Variants in ERLIN1 observed in about 807,000 individuals in gnomAD.
The protein encoded by ERLIN1 is erlin-1.
In ERLIN1, 24 loss-of-function variants were observed where a neutral mutation model predicts 46.9. The observed-to-expected ratio is 0.51, with a 90% CI of 0.37 to 0.72. The LOEUF (loss-of-function observed/expected upper bound fraction) is 0.72, where lower values mean the gene tolerates loss of function less well. Among genes scored for constraint, ERLIN1 ranks in the 30% least tolerant of loss-of-function variants. ERLIN1 has a pLI of 0.00. For synonymous variants in ERLIN1, 158 were observed against 143.2 expected (o/e 1.10, Z -0.74); for missense variants, 293 against 417.9 (o/e 0.70, Z 2.61).
chr10:100,183,648 T>C, intron 2 of ERLIN1, 108 bp downstream of exon 2: 1 of 669,796 alleles, frequency 1.5e-6, no homozygotes, highest in Non-Finnish European at 2.6e-6. Flanking sequence ...TTTAAGTAAA[T>C]ACCACCATCT....
At chr10:100,171,884 T>G (rs1457426804) in intron 6 of ERLIN1, among the ~76,000 whole-genome samples, 13 of 152,220 alleles carry the variant, frequency 8.5e-5, no homozygotes. Flanking sequence ...AGGGAAAGCT[T>G]GCATCTGCTA....
At chr10:100,161,053 G>A (rs1843342076) in intron 8 of ERLIN1, among the ~76,000 whole-genome samples, 1 of 152,082 alleles carries the variant, frequency 6.6e-6, no homozygotes, top group African/African-American at 2.4e-5. Context: ...AATGTCACTG[G>A]GACTATTTAA....
At chr10:100,158,600 C>T (rs1447284009) in intron 8 of ERLIN1, among the ~76,000 whole-genome samples, 1 of 151,352 alleles carries the variant, frequency 6.6e-6, no homozygotes, top group African/African-American at 2.4e-5. Context: ...TTACTCAACA[C>T]ATGTCAATCA....
intron 4 of ERLIN1, 96 bp from the exon 5 acceptor site, chr10:100,176,166 A>T: frequency 4.6e-6 from 5 of 1,078,898 alleles, no homozygotes; most frequent in Non-Finnish European, 6.3e-6. Context: ...TATATTACAC[A>T]TGAGGAAAAG....
At chr10:100,155,043 TTTAAAAACCTATTAGCAG>T in intron 9 of ERLIN1, 104 bp from the exon 10 acceptor site, 1 of 957,810 alleles carries the variant, frequency 1.0e-6, no homozygotes, top group Non-Finnish European at 1.6e-6. Flanking sequence ...CATTGAAAGT[TTTAAAAACCTATTAGCAG>T]TTTTCAAGTC....
chr10:100,167,823 C>CA (rs1206588028), intron 6 of ERLIN1, among the ~76,000 whole-genome samples: 2 of 152,136 alleles, frequency 1.3e-5, no homozygotes, highest in Admixed American at 1.3e-4. Context: ...CAAAAACAAA[C>CA]AAAAAAACCC....
chr10:100,185,721 G>A lies in ERLIN1; in HGVS notation c.-95C>T, dbSNP rs925639741. On this transcript the variant is annotated 5_prime_UTR_variant, in exon 1 of 11. Transcript: ENST00000421367. ...TTCTACCCTCTCCCTCCGGAAACTT[G>A]GCGCTCTCTCGCAGGCTGAGCCGGG... 7.9e-6 allele frequency: 8 copies of A among 1,014,834 alleles called. No individual in the cohort carries two copies. The African/African-American group carries it at 9.5e-5, about 12-fold the overall frequency. 62.9% of individuals were successfully genotyped at this position (1,014,834 alleles called of 1,614,324 possible).
chr10:100,154,778 C>T, intron 10 of ERLIN1, 82 bp downstream of exon 10: 1 of 1,074,498 alleles, frequency 9.3e-7, no homozygotes, highest in South Asian at 1.4e-5. Flanking sequence ...GATAAAATCA[C>T]TTCTATCATA....
intron 4 of ERLIN1, 91 bp from the exon 5 acceptor site, chr10:100,176,161 T>C: frequency 8.9e-7 from 1 of 1,120,276 alleles, no homozygotes; most frequent in Non-Finnish European, 1.2e-6. Context: ...GGTGATATAT[T>C]ACACATGAGG....
rs967250417 is a variant in ERLIN1, at chr10:100,150,259, G to C, written c.*1872C>G. On this transcript the variant is annotated 3_prime_UTR_variant, in exon 11 of 11. Transcript: ENST00000421367. ...AGGGAGGCACACTCCTCACACATGG[G>C]AGTTTAAGCAGAAGTGCTTTAAGAC... 9 of 149,278 alleles carry C rather than the reference G, an allele frequency of 6.0e-5. No homozygotes were observed. The highest frequency in any genetic ancestry group is 1.5e-5 in the Non-Finnish European group (1 of 67,310). 9.2% of individuals were successfully genotyped at this position (149,278 alleles called of 1,614,324 possible).
intron 6 of ERLIN1, among the ~76,000 whole-genome samples, chr10:100,168,203 C>CA (rs1274880775): frequency 6.6e-6 from 1 of 152,160 alleles, no homozygotes; most frequent in Non-Finnish European, 1.5e-5. Context: ...CAAACACACA[C>CA]AAAAAACACT....
chr10:100,170,915 T>C (rs972292724), intron 6 of ERLIN1, among the ~76,000 whole-genome samples: 2 of 152,312 alleles, frequency 1.3e-5, no homozygotes, highest in African/African-American at 4.8e-5. Context: ...TGGAATGCAG[T>C]ATGTAACATA....
At chr10:100,159,112 A>G (rs1220644565) in intron 8 of ERLIN1, among the ~76,000 whole-genome samples, 4 of 152,232 alleles carry the variant, frequency 2.6e-5, no homozygotes, top group African/African-American at 9.6e-5. Flanking sequence ...AGGTACACCA[A>G]GAAAATAACT....
At chr10:100,163,615 T>C (rs547349297) in intron 8 of ERLIN1, among the ~76,000 whole-genome samples, 1 of 152,308 alleles carries the variant, frequency 6.6e-6, no homozygotes, top group African/African-American at 2.4e-5. Flanking sequence ...CGGCACTACC[T>C]ATCCAGGTAA....
chr10:100,152,157 T>C lies in ERLIN1; in HGVS notation c.1021A>G (p.Ile341Val), dbSNP rs1410407003. 1 of 1,612,712 alleles carries C rather than the reference T, an allele frequency of 6.2e-7. No individual in the cohort carries two copies. Among genetic ancestry groups the C allele is most frequent in the Admixed American group, 1.7e-5 (1 of 60,014 alleles). The change falls in exon 11 of 11, where the codon ATC (isoleucine) becomes GTC (valine). Residue 341 changes from isoleucine (I) to valine (V), a missense_variant. By Grantham distance (29) the Ile-to-Val change is conservative. Around this residue, in one of 3 missense-constraint regions of ERLIN1, gnomAD observed 69 missense variants for 74.5 expected, o/e 0.93. Coordinates refer to ENST00000421367, the MANE Select transcript of ERLIN1 (RefSeq NM_006459.4). ...CAACCTGTGCTCTCTTTGTTTTGGA[T>C]GACGTTCTCTCCAGAGGGTTCAAGA... ...EALEPSGENV[I>V]QNKESTG is the part of the protein sequence containing the mutation.
intron 8 of ERLIN1, among the ~76,000 whole-genome samples, chr10:100,162,197 TC>T (rs1341436008): frequency 6.6e-6 from 1 of 151,780 alleles, no homozygotes; most frequent in Non-Finnish European, 1.5e-5. Context: ...ACAAATCAAC[TC>T]AAAAAAGCAA....
Position 100,151,630 on chromosome 10 carries a change from G to A in ERLIN1, c.*501C>T, listed in dbSNP as rs539105750. 7.1e-4 allele frequency: 132 copies of A among 184,652 alleles called. No homozygotes were observed. The highest frequency in any genetic ancestry group is 2.9e-3 in the African/African-American group (121 of 42,304). 11.4% of individuals were successfully genotyped at this position (184,652 alleles called of 1,614,324 possible). A position where few individuals can be genotyped will look rare whatever the true frequency, so the allele number is the denominator to read the frequency against. On this transcript the variant is annotated 3_prime_UTR_variant, in exon 11 of 11. Coordinates refer to ENST00000421367, the MANE Select transcript of ERLIN1 (RefSeq NM_006459.4). ...AGATCATTTCCTGGGGAACTTCAGC[G>A]GCCTGGATCTTAATCACATGGATGA...
At chr10:100,174,808 GAC>G (rs1311700729) in intron 5 of ERLIN1, among the ~76,000 whole-genome samples, 1 of 152,156 alleles carries the variant, frequency 6.6e-6, no homozygotes, top group African/African-American at 2.4e-5. Context: ...GAGAGAGAGA[GAC>G]AGAGAGAGAA....
At chr10:100,169,836 G>A (rs530182453) in intron 6 of ERLIN1, among the ~76,000 whole-genome samples, 17 of 152,000 alleles carry the variant, frequency 1.1e-4, no homozygotes, top group African/African-American at 3.6e-4. Context: ...TGGGCAACAC[G>A]GCAAAGGCCC....
Sources: gnomAD v4.1 joint callset for allele counts (sites outside exome capture counted in the v4.1 genomes callset) on GRCh38, gnomAD v4.1.1 for gene constraint, gnomAD v4.1.1 regional missense constraint, MANE v1.5 for transcripts, NCBI Gene and HGNC (gene_info 2026-07-23, HGNC 2026-07-21) for gene names.